VPS13D: variants seen among roughly 807,000 people sequenced by gnomAD.
The protein encoded by VPS13D is intermembrane lipid transfer protein VPS13D.
A neutral mutation model predicts 461.9 loss-of-function variants in VPS13D; 187 were observed. The ratio of observed to expected loss-of-function variants is 0.40; its 90% CI spans 0.36 to 0.46. VPS13D has a LOEUF of 0.46. Among genes scored for constraint, VPS13D ranks in the 20% least tolerant of loss-of-function variants. The pLI is 0.60. For synonymous variants in VPS13D, 1,951 were observed against 1,986.3 expected (o/e 0.98, Z 0.47); for missense variants, 4,711 against 5,364.9 (o/e 0.88, Z 3.81).
chr1:12,434,493 A>G (rs1397324035), intron 65 of VPS13D, among the ~76,000 whole-genome samples: 1 of 152,152 alleles, frequency 6.6e-6, no homozygotes, highest in East Asian at 1.9e-4. Context: ...CAGTAGTCCT[A>G]GCATACAACT....
chr1:12,493,685 TCA>T (rs1645918734), intron 67 of VPS13D, among the ~76,000 whole-genome samples: 1 of 152,218 alleles, frequency 6.6e-6, no homozygotes, highest in Admixed American at 6.5e-5. Flanking sequence ...AACAGCGTCG[TCA>T]CACAGTGGCC....
chr1:12,246,480 T>C (rs1401193651), intron 5 of VPS13D, among the ~76,000 whole-genome samples: 1 of 152,144 alleles, frequency 6.6e-6, no homozygotes, highest in Non-Finnish European at 1.5e-5. Context: ...TTAAGTATAA[T>C]GCAAATATTT....
chr1:12,349,227 C>G lies in VPS13D; in HGVS notation c.9284C>G (p.Ser3095Cys). The G allele has an allele frequency of 1.2e-6, 2 of 1,614,170 alleles. No homozygotes were observed. The highest frequency in any genetic ancestry group is 1.7e-6 in the Non-Finnish European group (2 of 1,180,032). Residue 3095 changes from serine to cysteine, a missense_variant, in exon 46 of 70, where the codon TCT becomes TGT. Physicochemically the swap from Ser to Cys is moderately radical, Grantham distance 112 (BLOSUM62 -1). Around this residue, in one of 3 missense-constraint regions of VPS13D, gnomAD observed 4,411 missense variants for 4,937.8 expected, o/e 0.89. Transcript: ENST00000620676. ...TTTGCTGTGCCTTTACACCTCACTT[C>G]TTGGCGGCTACAGGCCCGGCCCAAA... ...DSFAVPLHLT[S>C]WRLQARPKGL...
intron 27 of VPS13D, among the ~76,000 whole-genome samples, chr1:12,309,174 C>T (rs1642658293): frequency 6.7e-6 from 1 of 150,130 alleles, no homozygotes; most frequent in Non-Finnish European, 1.5e-5. Context: ...TAGTTAAGCA[C>T]ATGATTCTAA....
In VPS13D at chr1:12,276,464, T is replaced by G; in HGVS notation, c.2876T>G (p.Phe959Cys). 1 of 1,614,140 alleles carries G rather than the reference T, an allele frequency of 6.2e-7. No individual in the cohort carries two copies. Among genetic ancestry groups the G allele is most frequent in the Non-Finnish European group, 8.5e-7 (1 of 1,180,030 alleles). Residue 959 changes from phenylalanine (F) to cysteine (C), a missense_variant, in exon 19 of 70, where the codon TTT (phenylalanine) becomes TGT (cysteine). Physicochemically the swap from Phe to Cys is radical, Grantham distance 205. Coordinates refer to ENST00000620676, the MANE Select transcript of VPS13D (RefSeq NM_015378.4). This position sits in a 1 kb window ranked among gnomAD's most constrained non-coding sequence, Gnocchi z 4.5. ...LVESQLLLAE[F>C]KVNCMQLGVE... ...GAGTCGCAGCTCCTCCTGGCGGAATTTAAAGTGAACTGTATGCAGCTTGGT... is the reference window on the plus strand; with the variant it reads ...GAGTCGCAGCTCCTCCTGGCGGAATGTAAAGTGAACTGTATGCAGCTTGGT...
chr1:12,299,449 G>T lies in VPS13D; in HGVS notation c.6216+65G>T. The T allele has an allele frequency of 6.6e-7, 1 of 1,514,184 alleles. No homozygotes were observed. The highest frequency in any genetic ancestry group is 1.4e-5 in the African/African-American group (1 of 72,124). The allele number at this position is 1,514,184 out of a possible 1,614,324, so 93.8% of individuals were successfully genotyped here. The stretch of plus-strand genomic sequence containing the variant: ...TATTTGATCACTAATTGAAAAATTT[G>T]TATGCTGCTGTAAGATGATCCATAA... On this transcript the variant is annotated intron_variant, in intron 25 of 69. Transcript: ENST00000620676. The surrounding 1 kb of genome is among the most constrained non-coding windows in gnomAD (Gnocchi z 4.2).
chr1:12,462,536 G>A (rs1645425855), intron 67 of VPS13D, among the ~76,000 whole-genome samples: 1 of 152,208 alleles, frequency 6.6e-6, no homozygotes, highest in South Asian at 2.1e-4. Flanking sequence ...CATGGAGCTT[G>A]TCCACAGCCA....
chr1:12,260,655 G>T, intron 10 of VPS13D, 38 bp from the exon 11 acceptor site: 4 of 1,579,948 alleles, frequency 2.5e-6, no homozygotes, highest in Non-Finnish European at 2.6e-6. Flanking sequence ...TACAACGTTT[G>T]TGTTTTTGTT....
chr1:12,338,392 T>C (rs1200077607), intron 40 of VPS13D, 87 bp downstream of exon 40: 1 of 1,191,076 alleles, frequency 8.4e-7, no homozygotes, highest in Non-Finnish European at 1.2e-6. Context: ...TGAGTGGGAG[T>C]TGAATTGGGG....
At chr1:12,368,959 G>T (rs1016235743) in intron 53 of VPS13D, among the ~76,000 whole-genome samples, 1 of 152,062 alleles carries the variant, frequency 6.6e-6, no homozygotes, top group African/African-American at 2.4e-5. Context: ...GTTACAGTGA[G>T]CATTTTAATA....
At chr1:12,456,614 G>A (rs1356959818) in intron 66 of VPS13D, among the ~76,000 whole-genome samples, 3 of 139,888 alleles carry the variant, frequency 2.1e-5, no homozygotes, top group African/African-American at 8.4e-5. Context: ...CTCCAGCCTG[G>A]CAACAGAGCA....
At chr1:12,272,916 A>G in intron 17 of VPS13D, 87 bp from the exon 18 acceptor site, 1 of 1,535,986 alleles carries the variant, frequency 6.5e-7, no homozygotes, top group Non-Finnish European at 8.8e-7. Flanking sequence ...CCATAATCCT[A>G]GCTGCAGCTT....
intron 13 of VPS13D, among the ~76,000 whole-genome samples, 191 bp from the exon 14 acceptor site, chr1:12,266,690 G>T (rs1235476382): frequency 6.6e-6 from 1 of 152,158 alleles, no homozygotes; most frequent in African/African-American, 2.4e-5. Flanking sequence ...TATTGCAGTG[G>T]TCTGGAACCA....
At position 12,258,098 on chromosome 1, in the gene VPS13D, G is replaced by T; in HGVS notation, c.1105G>T (p.Asp369Tyr). The T allele has an allele frequency of 6.2e-7, 1 of 1,614,172 alleles. No homozygotes were observed. The highest frequency in any genetic ancestry group is 1.1e-5 in the South Asian group (1 of 91,076). The change falls in exon 10 of 70, where the codon GAC becomes TAC. Residue 369 changes from aspartate to tyrosine, a missense_variant. Asp to Tyr is a radical substitution (Grantham distance 160). Around this residue, in one of 3 missense-constraint regions of VPS13D, gnomAD observed 4,411 missense variants for 4,937.8 expected, o/e 0.89. Transcript: ENST00000620676. Reference sequence around the variant, plus strand: ...AAAAGGAGGCCTGCTGTCCACAGATGACAAGGTAAGTGGACTGTGGTCTTG... The same window carrying T: ...AAAAGGAGGCCTGCTGTCCACAGATTACAAGGTAAGTGGACTGTGGTCTTG... ...KLKGGLLSTDDKEEMCRIEEE... is the reference protein window; with the variant it reads ...KLKGGLLSTDYKEEMCRIEEE...
At chr1:12,420,416 T>G (rs1447368607) in intron 65 of VPS13D, among the ~76,000 whole-genome samples, 1 of 152,204 alleles carries the variant, frequency 6.6e-6, no homozygotes, top group Non-Finnish European at 1.5e-5. Flanking sequence ...TTCCAGTGAT[T>G]AAAAAAGGGT....
At chr1:12,351,593 T>G (rs1643796499) in intron 46 of VPS13D, among the ~76,000 whole-genome samples, 1 of 147,732 alleles carries the variant, frequency 6.8e-6, no homozygotes, top group Admixed American at 6.8e-5. Context: ...CCCAGCCAAG[T>G]TTTTCTTTTT....
rs926538089 is a variant in VPS13D, at chr1:12,299,089, T to G, written c.6034-113T>G. On this transcript the variant is annotated intron_variant, in intron 24 of 69. Coordinates refer to ENST00000620676, the MANE Select transcript of VPS13D (RefSeq NM_015378.4). The surrounding 1 kb of genome is among the most constrained non-coding windows in gnomAD (Gnocchi z 4.2). ...TCCATGGTGGTCATAGAATATGCTC[T>G]GTATGATTTTAATTGTTTTATAAAC... 9.1e-5 allele frequency: 90 copies of G among 984,662 alleles called. No individual in the cohort carries two copies. The highest frequency in any genetic ancestry group is 1.3e-4 in the Non-Finnish European group (86 of 685,850). 61.0% of individuals were successfully genotyped at this position (984,662 alleles called of 1,614,324 possible).
chr1:12,470,447 C>G (rs1042607140), intron 67 of VPS13D, among the ~76,000 whole-genome samples: 3 of 152,144 alleles, frequency 2.0e-5, no homozygotes, highest in East Asian at 1.9e-4. Flanking sequence ...AGATGCAAAC[C>G]TTGAAGTGTG....
chr1:12,453,013 C>T (rs1351734036), intron 65 of VPS13D, among the ~76,000 whole-genome samples: 1 of 152,168 alleles, frequency 6.6e-6, no homozygotes. Flanking sequence ...CTTCATCTTA[C>T]GGAAGAATCC....
Sources: allele counts gnomAD v4.1 joint callset (sites outside exome capture counted in the v4.1 genomes callset), GRCh38; gene constraint gnomAD v4.1.1; regional missense constraint gnomAD v4.1.1; non-coding constraint Gnocchi (gnomAD v3.1); transcripts MANE v1.5; gene names NCBI Gene and HGNC (gene_info 2026-07-23, HGNC 2026-07-21).